The following CCDC77 variants were observed in gnomAD, a reference collection of about 807,000 sequenced individuals.
The protein encoded by CCDC77 is coiled-coil domain containing 77.
A neutral mutation model predicts 66.8 loss-of-function variants in CCDC77; 56 were observed. The ratio of observed to expected loss-of-function variants is 0.84; its 90% CI spans 0.68 to 1.05. CCDC77 has a LOEUF of 1.05. Ranked by LOEUF, CCDC77 falls within the 50% of genes least tolerant of loss-of-function variation. The pLI is 0.00. For synonymous variants in CCDC77, 196 were observed against 195.2 expected (o/e 1.00, Z -0.03); for missense variants, 570 against 576.8 (o/e 0.99, Z 0.12).
At chr12:407,122 A>G (rs1591961887) in intron 2 of CCDC77, among the ~76,000 whole-genome samples, 1 of 152,204 alleles carries the variant, frequency 6.6e-6, no homozygotes, top group East Asian at 1.9e-4. Flanking sequence ...CCTAGGCAGC[A>G]AAGCAAGACC....
chr12:424,912 T>G (rs1945498819), intron 5 of CCDC77, among the ~76,000 whole-genome samples: 1 of 150,624 alleles, frequency 6.6e-6, no homozygotes, highest in Non-Finnish European at 1.5e-5. Context: ...AGCCACATGG[T>G]TTCTTTCTTT....
chr12:415,288 G>A (rs1028298408), intron 4 of CCDC77, among the ~76,000 whole-genome samples: 11 of 131,554 alleles, frequency 8.4e-5, no homozygotes, highest in African/African-American at 3.3e-4. Context: ...ATAATATTAT[G>A]TTAATATAAT....
At chr12:435,834 G>A (rs1945739734) in intron 9 of CCDC77, among the ~76,000 whole-genome samples, 1 of 152,148 alleles carries the variant, frequency 6.6e-6, no homozygotes, top group Non-Finnish European at 1.5e-5. Flanking sequence ...GAACTCCTGG[G>A]CGCAAGCAAT....
chr12:433,460 C>T (rs546414996), intron 9 of CCDC77, 138 bp downstream of exon 9: 537 of 1,448,030 alleles, frequency 3.7e-4, no homozygotes, highest in Non-Finnish European at 4.4e-4. Flanking sequence ...CAGAAACCCC[C>T]GCCTCTACGT....
chr12:441,826 G>A lies in CCDC77; in HGVS notation c.1373G>A (p.Arg458His), dbSNP rs751274633. ...NQDLALLCEVRDSNRRAHKIQ... is the reference protein window; with the variant it reads ...NQDLALLCEVHDSNRRAHKIQ... ...GATCTTGCCCTTCTGTGTGAGGTCC[G>A]TGACAGCAATAGACGGGCACATAAG... The change falls in exon 13 of 13, where the codon CGT becomes CAT. Residue 458 changes from arginine to histidine, a missense_variant. Arg to His is a conservative substitution (Grantham distance 29). Coordinates refer to ENST00000239830, the MANE Select transcript of CCDC77 (RefSeq NM_032358.4). 17 of 1,612,142 alleles carry A rather than the reference G, an allele frequency of 1.1e-5. No homozygotes were observed. Among genetic ancestry groups the A allele is most frequent in the South Asian group, 4.4e-5 (4 of 91,038 alleles).
rs144639108 is a variant in CCDC77 at position 411,831 on chromosome 12, C to G, written c.123C>G (p.Pro41=). ...TGGCAGATTCACTGGAGTCAACCCC[C>G]TTGCCTTCCCCCGAAGATCGTCTGG... ...RGMADSLEST[P]LPSPEDRLAK... The change falls in exon 4 of 13, where the codon CCC becomes CCG. Residue 41 remains proline, a synonymous_variant. Transcript: ENST00000239830. The G allele has an allele frequency of 6.8e-6, 11 of 1,614,060 alleles. No individual in the cohort carries two copies. In the African/African-American group the frequency reaches 1.1e-4, roughly 16 times the overall value.
intron 9 of CCDC77, among the ~76,000 whole-genome samples, chr12:437,134 C>A (rs1263139217): frequency 6.6e-6 from 1 of 152,078 alleles, no homozygotes; most frequent in Admixed American, 6.5e-5. Context: ...GTGATTGCTT[C>A]ATGGTATTTA....
Position 440,684 on chromosome 12 carries a change from TAGA to T in CCDC77, c.1117_1119del (p.Glu373del), listed in dbSNP as rs749898911. The T allele has an allele frequency of 6.2e-6, 10 of 1,614,156 alleles. No homozygotes were observed. The South Asian group carries it at 7.7e-5, about 12-fold the overall frequency. ...ATGTACCAAGAGCAGTGCATTTCCT[TAGA>T]AGAAGAACTTGCCCGAATTCGTGAG... On this transcript the variant is annotated inframe_deletion, in exon 11 of 13. Transcript: ENST00000239830.
At chr12:425,767 C>G (rs1220103896) in intron 5 of CCDC77, among the ~76,000 whole-genome samples, 1 of 152,192 alleles carries the variant, frequency 6.6e-6, no homozygotes, top group East Asian at 1.9e-4. Flanking sequence ...CTTGCTGTTT[C>G]TTGTTCATGC....
intron 2 of CCDC77, among the ~76,000 whole-genome samples, chr12:408,361 CAATT>C (rs2137542670): frequency 1.3e-5 from 2 of 152,178 alleles, no homozygotes; most frequent in East Asian, 3.9e-4. Flanking sequence ...CTTGGGTTAT[CAATT>C]GAGATGGAGA....
intron 1 of CCDC77, among the ~76,000 whole-genome samples, chr12:390,691 C>G (rs1944738226): frequency 6.6e-6 from 1 of 151,970 alleles, no homozygotes. Context: ...GACTTGGAAG[C>G]TCTATAATCA....
upstream of CCDC77, among the ~76,000 whole-genome samples, chr12:400,038 C>T (rs1944876249): frequency 6.6e-6 from 1 of 152,264 alleles, no homozygotes; most frequent in African/African-American, 2.4e-5. Flanking sequence ...GTTAGCTCTT[C>T]TGAATAACTT....
intron 7 of CCDC77, among the ~76,000 whole-genome samples, chr12:431,294 T>C (rs1945647438): frequency 6.6e-6 from 1 of 150,872 alleles, no homozygotes; most frequent in Non-Finnish European, 1.5e-5. Flanking sequence ...TCTTGGCTCA[T>C]TGCTGCCTCT....
intron 1 of CCDC77, among the ~76,000 whole-genome samples, chr12:392,570 C>T (rs138744430): frequency 0.015 from 2,230 of 152,040 alleles, 49 homozygotes; most frequent in African/African-American, 0.051. Context: ...ATGGAGAAAC[C>T]GCATCTCTAC....
rs1270315308 is a variant in CCDC77 at position 411,847 on chromosome 12, G to GATC, written c.140_142dup (p.Asp47_Arg48insHis). 1 of 1,614,026 alleles carries GATC rather than the reference G, an allele frequency of 6.2e-7. No homozygotes were observed. The highest frequency in any genetic ancestry group is 2.2e-5 in the East Asian group (1 of 44,882). ...GTCAACCCCCTTGCCTTCCCCCGAAGATCGTCTGGCCAAACTCCATCCTTC... is the reference window on the plus strand; with the variant it reads ...GTCAACCCCCTTGCCTTCCCCCGAAGATCATCGTCTGGCCAAACTCCATCCTTC... On this transcript the variant is annotated inframe_insertion, in exon 4 of 13. Coordinates refer to ENST00000239830, the MANE Select transcript of CCDC77 (RefSeq NM_032358.4).
At chr12:428,058 G>T (rs937108890) in intron 5 of CCDC77, among the ~76,000 whole-genome samples, 1 of 152,156 alleles carries the variant, frequency 6.6e-6, no homozygotes, top group Non-Finnish European at 1.5e-5. Flanking sequence ...CCTGAGGAAT[G>T]AGAGGCAGAA....
At chr12:441,199 A>G (rs1300304389) in intron 12 of CCDC77, among the ~76,000 whole-genome samples, 1 of 152,242 alleles carries the variant, frequency 6.6e-6, no homozygotes, top group Non-Finnish European at 1.5e-5. Flanking sequence ...GAACGACTGC[A>G]TCATTCATAC....
In CCDC77 at chr12:416,357, GTGTGTGTGTGTGTGTGTGTGTATATATA is replaced by G. The variant is rs1945267312; in HGVS notation, c.271-2135_271-2108del. Among the ~76,000 whole-genome samples the G allele has an allele frequency of 1.3e-4, 5 of 39,830 alleles. 1 individual carries two copies. The highest frequency in any genetic ancestry group is 1.2e-4 in the Non-Finnish European group (3 of 24,070). 26.1% of individuals were successfully genotyped at this position (39,830 alleles called of 152,430 possible). On this transcript the variant is annotated intron_variant, in intron 4 of 12. Transcript: ENST00000239830. ...TGGGTGTGTGGGGGTGTGTGTGTGT[GTGTGTGTGTGTGTGTGTGTGTATATATA>G]TATATATATATATATATATATATAT...
At chr12:427,301 TG>T (rs1414394696) in intron 5 of CCDC77, among the ~76,000 whole-genome samples, 3 of 151,796 alleles carry the variant, frequency 2.0e-5, no homozygotes, top group African/African-American at 7.3e-5. Context: ...ATTGTGATTT[TG>T]TTTGGGGTGC....
Sources: gnomAD v4.1 joint callset for allele counts (sites outside exome capture counted in the v4.1 genomes callset) on GRCh38, gnomAD v4.1.1 for gene constraint, MANE v1.5 for transcripts, NCBI Gene and HGNC (gene_info 2026-07-23, HGNC 2026-07-21) for gene names.